Variants in PAXIP1 observed in about 807,000 individuals in gnomAD.
PAXIP1 encodes PAX-interacting protein 1.
Under a neutral mutation model 140.6 loss-of-function variants are expected in PAXIP1, and 19 were observed. That is an observed-to-expected ratio of 0.14 (90% CI 0.09 to 0.20). PAXIP1 has a LOEUF of 0.20. Among genes scored for constraint, PAXIP1 ranks in the 10% least tolerant of loss-of-function variants. PAXIP1 has a pLI of 1.00. For synonymous variants in PAXIP1, 442 were observed against 444.6 expected (o/e 0.99, Z 0.07); for missense variants, 920 against 1,208.6 (o/e 0.76, Z 3.54).
chr7:154,999,027 C>T (rs888393914), intron 1 of PAXIP1, among the ~76,000 whole-genome samples: 2 of 152,186 alleles, frequency 1.3e-5, no homozygotes, highest in African/African-American at 4.8e-5. Flanking sequence ...TATTGTGAGT[C>T]CAGTAGTGGA....
intron 3 of PAXIP1, among the ~76,000 whole-genome samples, chr7:154,992,442 G>C (rs927167005): frequency 3.9e-5 from 6 of 152,198 alleles, no homozygotes; most frequent in Middle Eastern, 3.4e-3. Context: ...AGCTACTCAG[G>C]AGGCTGAGGC....
intron 1 of PAXIP1, among the ~76,000 whole-genome samples, chr7:154,999,398 A>T (rs1191127811): frequency 6.6e-6 from 1 of 152,204 alleles, no homozygotes; most frequent in Non-Finnish European, 1.5e-5. Flanking sequence ...AGTAGCACAG[A>T]TTTCATACAA....
chr7:155,003,242 C>T (rs1465204851), upstream of PAXIP1, among the ~76,000 whole-genome samples: 2 of 97,042 alleles, frequency 2.1e-5, no homozygotes, highest in African/African-American at 9.1e-5. Flanking sequence ...GCCACGGCTC[C>T]GGGGTAGCTG....
chr7:154,982,284 G>C (rs1809873983), intron 5 of PAXIP1, among the ~76,000 whole-genome samples: 1 of 152,180 alleles, frequency 6.6e-6, no homozygotes. Context: ...TCACCCACCA[G>C]AGGACTTGAT....
At chr7:154,959,999 A>G in intron 12 of PAXIP1, 66 bp from the exon 13 acceptor site, 1 of 1,021,468 alleles carries the variant, frequency 9.8e-7, no homozygotes, top group Non-Finnish European at 1.5e-6. Context: ...CCTTTTTATA[A>G]AAGTCTTCCC....
In PAXIP1 at chr7:154,975,733, T is replaced by A; in HGVS notation, c.1037A>T (p.Asp346Val). The change falls in exon 6 of 21, where the codon GAC (aspartate) becomes GTC (valine). Residue 346 changes from aspartate to valine, a missense_variant. This residue lies in a region of PAXIP1 where 419 missense variants were observed against 514.7 expected (regional missense o/e 0.81). Transcript: ENST00000404141. The stretch of plus-strand genomic sequence containing the variant: ...TGATGGCCGGTTCATCTGCTGAATG[T>A]CAGCATTATTAGTAATATTCCTCAG... ...RTLRNITNNA[D>V]IQQMNRPSNV... 6.2e-7 allele frequency: 1 copy of A among 1,613,424 alleles called. No individual in the cohort carries two copies. Among genetic ancestry groups the A allele is most frequent in the Admixed American group, 1.7e-5 (1 of 60,010 alleles).
At position 154,968,716 on chromosome 7, in the gene PAXIP1, ATGC is replaced by A. The variant is rs1420838503; in HGVS notation, c.1482_1484del (p.Gln494del). 1.1e-5 allele frequency: 8 copies of A among 717,198 alleles called. No individual in the cohort carries two copies. The highest frequency in any genetic ancestry group is 2.7e-5 in the East Asian group (1 of 37,198). The allele number at this position is 717,198 out of a possible 1,614,324, so 44.4% of individuals were successfully genotyped here. A position where few individuals can be genotyped will look rare whatever the true frequency, so the allele number is the denominator to read the frequency against. ...GCTGATGGAACTGCTGCTGCAGGGC[ATGC>A]TGCTGCTGAAAGGGCTGGAGCTGCT... On this transcript the variant is annotated inframe_deletion, in exon 7 of 21. Transcript: ENST00000404141.
At chr7:154,980,885 C>T (rs1489485056) in intron 5 of PAXIP1, among the ~76,000 whole-genome samples, 1 of 152,130 alleles carries the variant, frequency 6.6e-6, no homozygotes, top group Non-Finnish European at 1.5e-5. Context: ...TATCCCAGCA[C>T]TTAGAGGTTG....
intron 4 of PAXIP1, among the ~76,000 whole-genome samples, chr7:154,990,680 TC>T (rs1344163576): frequency 1.3e-5 from 2 of 152,218 alleles, no homozygotes; most frequent in Non-Finnish European, 2.9e-5. Context: ...ATCTGTATGA[TC>T]CCTTTATTTA....
chr7:154,954,205 A>C lies in PAXIP1; in HGVS notation c.2821+50T>G. Reference sequence around the variant, plus strand: ...ATGAAAAGAGATGAATTCAAGAAAAAAAAAAGTTTATTTGGCATTAAAAGC... The same window carrying C: ...ATGAAAAGAGATGAATTCAAGAAAACAAAAAGTTTATTTGGCATTAAAAGC... On this transcript the variant is annotated intron_variant, in intron 16 of 20. Transcript: ENST00000404141. The surrounding 1 kb of genome is among the most constrained non-coding windows in gnomAD (Gnocchi z 5.1). 2 of 1,280,818 alleles carry C rather than the reference A, an allele frequency of 1.6e-6. No individual in the cohort carries two copies. Among genetic ancestry groups the C allele is most frequent in the Non-Finnish European group, 2.1e-6 (2 of 973,994 alleles). The allele number at this position is 1,280,818 out of a possible 1,614,324, so 79.3% of individuals were successfully genotyped here. A position where few individuals can be genotyped will look rare whatever the true frequency, so the allele number is the denominator to read the frequency against.
chr7:154,960,830 T>C, intron 12 of PAXIP1, 63 bp downstream of exon 12: 2 of 1,184,318 alleles, frequency 1.7e-6, no homozygotes, highest in Non-Finnish European at 2.3e-6. Context: ...AATAAAAAGA[T>C]GGTAGAAGTA....
At position 154,946,750 on chromosome 7, in the gene PAXIP1, C is replaced by T; in HGVS notation, c.2986G>A (p.Glu996Lys). The change falls in exon 18 of 21, where the codon GAG (glutamate) becomes AAG (lysine). Residue 996 changes from glutamate to lysine, a missense_variant. Physicochemically the swap from Glu to Lys is moderately conservative, Grantham distance 56. This residue lies in a region of PAXIP1 where 303 missense variants were observed against 517.9 expected (regional missense o/e 0.59). Coordinates refer to ENST00000404141, the MANE Select transcript of PAXIP1 (RefSeq NM_007349.4). The surrounding 1 kb of genome is among the most constrained non-coding windows in gnomAD (Gnocchi z 4.9). ...GATAACACCTTTCCTCCTGCACACT[C>T]TACGATTGCCTTCATAGTGGAAAGA... ...PSLSTMKAIVECAGGKVLSKQ... is the reference protein window; with the variant it reads ...PSLSTMKAIVKCAGGKVLSKQ... The T allele has an allele frequency of 6.2e-7, 1 of 1,612,912 alleles. No homozygotes were observed. Among genetic ancestry groups the T allele is most frequent in the Non-Finnish European group, 8.5e-7 (1 of 1,179,338 alleles).
chr7:154,988,823 A>C (rs1810193298), intron 4 of PAXIP1, among the ~76,000 whole-genome samples: 1 of 152,230 alleles, frequency 6.6e-6, no homozygotes, highest in Non-Finnish European at 1.5e-5. Flanking sequence ...AATTAAATGA[A>C]AAATTCACAT....
chr7:154,965,574 C>G (rs1330535833), intron 8 of PAXIP1: 1 of 152,304 alleles, frequency 6.6e-6, no homozygotes, highest in African/African-American at 2.4e-5. Context: ...CCTCCTCCTC[C>G]TAGGCCCACT....
At chr7:154,945,715 G>C (rs1347491955) in intron 20 of PAXIP1, 2 of 985,234 alleles carry the variant, frequency 2.0e-6, no homozygotes, top group East Asian at 2.3e-4. Flanking sequence ...AGTGGAAACA[G>C]AATTTTCCCA....
chr7:154,956,903 G>A lies in PAXIP1; in HGVS notation c.2549+321C>T, dbSNP rs1808539431. On this transcript the variant is annotated intron_variant, in intron 14 of 20. Transcript: ENST00000404141. This position sits in a 1 kb window ranked among gnomAD's most constrained non-coding sequence, Gnocchi z 4.2. ...TTCTTCAGCCGTGCCCAGGAGGCCT[G>A]GGGCTCCGTGGTCTATCTCTGAGCT... The A allele has an allele frequency of 4.9e-6, 1 of 205,862 alleles. No individual in the cohort carries two copies. Among genetic ancestry groups the A allele is most frequent in the Non-Finnish European group, 9.7e-6 (1 of 103,438 alleles). 12.8% of individuals were successfully genotyped at this position (205,862 alleles called of 1,614,324 possible). A position where few individuals can be genotyped will look rare whatever the true frequency, so the allele number is the denominator to read the frequency against.
intron 6 of PAXIP1, among the ~76,000 whole-genome samples, 185 bp from the exon 7 acceptor site, chr7:154,969,311 ATCGTAAAG>A (rs1809187554): frequency 6.6e-6 from 1 of 152,262 alleles, no homozygotes; most frequent in Non-Finnish European, 1.5e-5. Flanking sequence ...TAACGCCAAT[ATCGTAAAG>A]TAAATTCATA....
intron 1 of PAXIP1, among the ~76,000 whole-genome samples, chr7:155,002,593 C>G (rs1284743626): frequency 6.6e-6 from 1 of 151,794 alleles, no homozygotes; most frequent in Non-Finnish European, 1.5e-5. Context: ...GGCCGCAGGC[C>G]GGGGGCTCAG....
intron 5 of PAXIP1, among the ~76,000 whole-genome samples, chr7:154,978,530 T>C (rs1308101670): frequency 6.6e-6 from 1 of 152,224 alleles, no homozygotes; most frequent in Non-Finnish European, 1.5e-5. Flanking sequence ...CATAAAATGT[T>C]ATATAGCTCT....
Sources: gnomAD v4.1 joint callset for allele counts (sites outside exome capture counted in the v4.1 genomes callset) on GRCh38, gnomAD v4.1.1 for gene constraint, gnomAD v4.1.1 regional missense constraint, Gnocchi (gnomAD v3.1) non-coding constraint, MANE v1.5 for transcripts, NCBI Gene and HGNC (gene_info 2026-07-23, HGNC 2026-07-21) for gene names.